Variants in CADM2 observed in about 807,000 individuals in gnomAD.
The protein encoded by CADM2 is immunoglobulin superfamily member 4D.
Under a neutral mutation model 49.8 loss-of-function variants are expected in CADM2, and 12 were observed. The ratio of observed to expected loss-of-function variants is 0.24; its 90% CI spans 0.15 to 0.39. The LOEUF is 0.39. CADM2 is among the 10% of genes least tolerant of loss of function. The pLI is 1.00. For missense variants in CADM2, 378 were observed against 492.3 expected, an observed-to-expected ratio of 0.77 and a Z score of 2.20; for synonymous variants, 214 against 175.4, an observed-to-expected ratio of 1.22 and a Z score of -1.74.
chr3:86,073,655 C>A lies in CADM2; in HGVS notation c.*6872C>A, dbSNP rs1273517776. 6.6e-6 allele frequency: 1 copy of A among 151,960 alleles called. No homozygotes were observed. The highest frequency in any genetic ancestry group is 1.5e-5 in the Non-Finnish European group (1 of 67,906). The allele number at this position is 151,960 out of a possible 1,614,324, so 9.4% of individuals were successfully genotyped here. A position where few individuals can be genotyped will look rare whatever the true frequency, so the allele number is the denominator to read the frequency against. On this transcript the variant is annotated 3_prime_UTR_variant, in exon 10 of 10. Transcript: ENST00000383699. ...ATTTGAATTTTAGTTATCTGTTGGACATTACTGAATTGTCTATTCATTTAG... is the reference window on the plus strand; with the variant it reads ...ATTTGAATTTTAGTTATCTGTTGGAAATTACTGAATTGTCTATTCATTTAG...
rs1370950675 is a variant in CADM2 at position 85,369,251 on chromosome 3, A to G, written c.62-357271A>G. ...CACAGTGCTCATGTAGTTTTTATTA[A>G]AACAGTATTTTTGCACACACAATCA... On this transcript the variant is annotated intron_variant, in intron 1 of 9. Transcript: ENST00000383699. Among the ~76,000 whole-genome samples the G allele has an allele frequency of 2.6e-5, 4 of 152,332 alleles. No homozygotes were observed. The East Asian group carries it at 7.7e-4, about 29-fold the overall frequency.
At chr3:85,538,550 A>G (rs1364450482) in intron 1 of CADM2, among the ~76,000 whole-genome samples, 1 of 152,150 alleles carries the variant, frequency 6.6e-6, no homozygotes, top group Non-Finnish European at 1.5e-5. Context: ...AAATGTATAT[A>G]TTACTGAGAA....
At chr3:85,583,871 A>C (rs35344466) in intron 1 of CADM2, among the ~76,000 whole-genome samples, 25,644 of 151,992 alleles carry the variant, frequency 0.17, 2,684 homozygotes, top group Non-Finnish European at 0.23. Context: ...AGATTATGAA[A>C]TATTGCAATT....
chr3:85,934,411 T>C (rs1038223302), intron 6 of CADM2, among the ~76,000 whole-genome samples: 3 of 152,104 alleles, frequency 2.0e-5, no homozygotes, highest in Non-Finnish European at 4.4e-5. Flanking sequence ...TTAAATCTGA[T>C]ATTCAATTTT....
intron 1 of CADM2, among the ~76,000 whole-genome samples, chr3:85,237,832 A>T (rs1282990054): frequency 2.0e-5 from 3 of 151,876 alleles, no homozygotes; most frequent in Admixed American, 1.3e-4. Context: ...TTAATTATCA[A>T]TGTAGTTATT....
At chr3:85,206,072 G>A (rs368981300) in intron 1 of CADM2, among the ~76,000 whole-genome samples, 6 of 151,888 alleles carry the variant, frequency 4.0e-5, no homozygotes, top group South Asian at 4.1e-4. Flanking sequence ...AAGAAGTTCC[G>A]GATGTTAAGT....
intron 1 of CADM2, among the ~76,000 whole-genome samples, chr3:85,026,246 A>G (rs1308861833): frequency 1.3e-5 from 2 of 152,148 alleles, no homozygotes; most frequent in Admixed American, 6.6e-5. Flanking sequence ...ACTAATTTCC[A>G]TTGTATGGAG....
At chr3:85,043,378 G>A (rs2035520593) in intron 1 of CADM2, among the ~76,000 whole-genome samples, 1 of 151,904 alleles carries the variant, frequency 6.6e-6, no homozygotes. Context: ...GCCCGTATAT[G>A]ACCATGAACA....
intron 1 of CADM2, among the ~76,000 whole-genome samples, chr3:85,610,791 A>G (rs1016540049): frequency 3.3e-5 from 5 of 151,996 alleles, no homozygotes; most frequent in Admixed American, 6.6e-5. Flanking sequence ...AAAAATTACA[A>G]TATAATTAAT....
chr3:84,973,403 A>G (rs13325879), intron 1 of CADM2, among the ~76,000 whole-genome samples: 10,027 of 152,108 alleles, frequency 0.066, 452 homozygotes, highest in Non-Finnish European at 0.093. Context: ...CCAGTCGTTT[A>G]TCCTGAAAAC....
At chr3:85,342,475 A>C (rs938779898) in intron 1 of CADM2, among the ~76,000 whole-genome samples, 30 of 152,132 alleles carry the variant, frequency 2.0e-4, no homozygotes, top group African/African-American at 7.0e-4. Flanking sequence ...TTAATTGGGG[A>C]GATAATACAT....
At chr3:85,855,041 G>A (rs1013629971) in intron 3 of CADM2, among the ~76,000 whole-genome samples, 18 of 152,052 alleles carry the variant, frequency 1.2e-4, no homozygotes, top group Non-Finnish European at 2.5e-4. Context: ...AAGGTCTCTT[G>A]CCTTCCATGA....
chr3:85,357,750 C>A (rs1340134233), intron 1 of CADM2, among the ~76,000 whole-genome samples: 1 of 152,036 alleles, frequency 6.6e-6, no homozygotes, highest in East Asian at 1.9e-4. Flanking sequence ...ATGTCTTCTT[C>A]TTCAAGAAAT....
intron 1 of CADM2, among the ~76,000 whole-genome samples, chr3:84,966,025 T>C (rs1021623831): frequency 6.6e-6 from 1 of 152,196 alleles, no homozygotes; most frequent in Non-Finnish European, 1.5e-5. Flanking sequence ...CTTTGTATAT[T>C]TTGATTCCAT....
At chr3:85,351,741 G>C (rs537931914) in intron 1 of CADM2, among the ~76,000 whole-genome samples, 1 of 152,238 alleles carries the variant, frequency 6.6e-6, no homozygotes, top group Non-Finnish European at 1.5e-5. Flanking sequence ...TAAAGCCTGG[G>C]CCTGTCTATA....
chr3:85,209,798 G>C (rs928478088), intron 1 of CADM2, among the ~76,000 whole-genome samples: 1 of 152,076 alleles, frequency 6.6e-6, no homozygotes. Context: ...CTGTTTTCCA[G>C]AACCTTTGAA....
chr3:85,813,874 C>T (rs1209552347), intron 3 of CADM2, among the ~76,000 whole-genome samples: 1 of 151,988 alleles, frequency 6.6e-6, no homozygotes, highest in African/African-American at 2.4e-5. Context: ...TCTCTGAGGC[C>T]TCTGTTCTGT....
At chr3:84,995,144 C>T (rs1436129341) in intron 1 of CADM2, among the ~76,000 whole-genome samples, 1 of 152,104 alleles carries the variant, frequency 6.6e-6, no homozygotes, top group African/African-American at 2.4e-5. Flanking sequence ...CTCCCAAAAA[C>T]TAATTTTTGC....
chr3:86,036,063 A>G (rs563042658), intron 8 of CADM2, among the ~76,000 whole-genome samples: 4 of 152,212 alleles, frequency 2.6e-5, no homozygotes, highest in South Asian at 4.1e-4. Flanking sequence ...GCCTTTTAAC[A>G]ATCTCACCTT....
Sources: gnomAD v4.1 joint callset for allele counts (sites outside exome capture counted in the v4.1 genomes callset) on GRCh38, gnomAD v4.1.1 for gene constraint, MANE v1.5 for transcripts, NCBI Gene and HGNC (gene_info 2026-07-23, HGNC 2026-07-21) for gene names.